The following SPTLC1 variants were observed in gnomAD, a reference collection of about 807,000 sequenced individuals.
SPTLC1 encodes serine palmitoyltransferase 1.
In SPTLC1, 55 loss-of-function variants were observed where a neutral mutation model predicts 68.9. The observed-to-expected ratio is 0.80, with a 90% CI of 0.64 to 1.00. The LOEUF is 1.00. Among genes scored for constraint, SPTLC1 ranks in the 50% least tolerant of loss-of-function variants. SPTLC1 has a pLI of 0.00. For synonymous variants in SPTLC1, 197 were observed against 201.6 expected, an observed-to-expected ratio of 0.98 and a Z score of 0.19; for missense variants, 449 against 573.1, an observed-to-expected ratio of 0.78 and a Z score of 2.21.
At chr9:92,059,535 A>G (rs1012233289) in intron 6 of SPTLC1, among the ~76,000 whole-genome samples, 2 of 152,224 alleles carry the variant, frequency 1.3e-5, no homozygotes, top group African/African-American at 4.8e-5. Flanking sequence ...CTCTCACTAT[A>G]TATTAATCTC....
chr9:92,090,430 G>C (rs746416690), intron 3 of SPTLC1, among the ~76,000 whole-genome samples: 34 of 152,096 alleles, frequency 2.2e-4, no homozygotes, highest in Non-Finnish European at 3.5e-4. Context: ...CCAACATGGT[G>C]AAACCCTGTC....
At chr9:92,055,226 C>A (rs1833845211) in intron 8 of SPTLC1, 179 bp downstream of exon 8, 8 of 985,324 alleles carry the variant, frequency 8.1e-6, no homozygotes, top group Non-Finnish European at 8.4e-6. Context: ...CTTGATTACT[C>A]TTTGAAGGCC....
At chr9:92,047,897 C>T (rs568099765) in intron 9 of SPTLC1, among the ~76,000 whole-genome samples, 189 bp from the exon 10 acceptor site, 1 of 152,272 alleles carries the variant, frequency 6.6e-6, no homozygotes, top group Admixed American at 6.5e-5. Context: ...TCTCATGGCC[C>T]ATCTGAAACT....
At position 92,050,085 on chromosome 9, in the gene SPTLC1, G is replaced by A. The variant is rs776578106; in HGVS notation, c.781-18C>T. 18 of 1,442,806 alleles carry A rather than the reference G, an allele frequency of 1.2e-5. No individual in the cohort carries two copies. The highest frequency in any genetic ancestry group is 7.1e-5 in the African/African-American group (5 of 70,770). The allele number at this position is 1,442,806 out of a possible 1,614,324, so 89.4% of individuals were successfully genotyped here. ...AACTTAACCTAAGTGTTATATAAAC[G>A]TTAAAATACTAATGATTAGCACCAT... is the stretch of plus-strand genomic sequence containing the variant. On this transcript the variant is annotated intron_variant, in intron 8 of 14. Transcript: ENST00000262554.
intron 7 of SPTLC1, among the ~76,000 whole-genome samples, chr9:92,057,365 T>C (rs1833931330): frequency 6.6e-6 from 1 of 152,192 alleles, no homozygotes; most frequent in Non-Finnish European, 1.5e-5. Context: ...CAGGAATGGG[T>C]CAAAGGGCAT....
At chr9:92,083,459 G>A (rs1834977220) in intron 3 of SPTLC1, among the ~76,000 whole-genome samples, 1 of 151,920 alleles carries the variant, frequency 6.6e-6, no homozygotes, top group Non-Finnish European at 1.5e-5. Context: ...TTCTACATAT[G>A]GCTAGCCAGT....
rs558110797 is a variant in SPTLC1 at position 92,097,288 on chromosome 9, A to G, written c.260+11452T>C. Among the ~76,000 whole-genome samples, 184 of 152,376 alleles carry G rather than the reference A, an allele frequency of 1.2e-3. 1 individual carries two copies. The highest frequency in any genetic ancestry group is 3.2e-3 in the African/African-American group (134 of 41,596). On this transcript the variant is annotated intron_variant, in intron 3 of 14. Transcript: ENST00000262554. ...TCAAAATGTTAAACACAGAGTTATC[A>G]CATGACACAGCAATCCTACTCCTAG...
At position 92,115,343 on chromosome 9, in the gene SPTLC1, G is replaced by C. The variant is rs1443011575; in HGVS notation, c.28C>G (p.Leu10Val). 1 of 1,612,870 alleles carries C rather than the reference G, an allele frequency of 6.2e-7. No homozygotes were observed. Among genetic ancestry groups the C allele is most frequent in the South Asian group, 1.1e-5 (1 of 91,056 alleles). ...TAAAGCGCCTGTACCATCTCCACCAGAACCCACTGCTCCGTGGCGGTCGCC... is the reference window on the plus strand; with the variant it reads ...TAAAGCGCCTGTACCATCTCCACCACAACCCACTGCTCCGTGGCGGTCGCC... MATATEQWV[L>V]VEMVQALYEA... Residue 10 changes from leucine (L) to valine (V), a missense_variant, in exon 1 of 15, where the codon CTG becomes GTG. Leu to Val is a conservative substitution (Grantham distance 32). Transcript: ENST00000262554.
At position 92,055,426 on chromosome 9, in the gene SPTLC1, A is replaced by C. The variant is rs753193300; in HGVS notation, c.759T>G (p.Thr253=). The C allele has an allele frequency of 2.5e-6, 4 of 1,613,636 alleles. No homozygotes were observed. In the Admixed American group the frequency reaches 6.7e-5, roughly 27 times the overall value. ...TTACCAATTCTGGAAGAGGACAAAT[A>C]GTTCCAGTATTCATATACAATCCTT... ...VVEGLYMNTG[T]ICPLPELVKL... The change falls in exon 8 of 15, where the codon ACT becomes ACG. Residue 253 remains threonine, a synonymous_variant. Coordinates refer to ENST00000262554, the MANE Select transcript of SPTLC1 (RefSeq NM_006415.4).
At position 92,032,306 on chromosome 9, in the gene SPTLC1, C is replaced by A. The variant is rs1448942715; in HGVS notation, c.*159G>T. 10 of 1,540,634 alleles carry A rather than the reference C, an allele frequency of 6.5e-6. No individual in the cohort carries two copies. The highest frequency in any genetic ancestry group is 8.7e-6 in the Non-Finnish European group (10 of 1,147,878). The stretch of plus-strand genomic sequence containing the variant: ...CTTTTTAAAAAAAATAAGCATCCTT[C>A]TCATGGTCACACAATTGGTCCATAC... On this transcript the variant is annotated 3_prime_UTR_variant, in exon 15 of 15. Coordinates refer to ENST00000262554, the MANE Select transcript of SPTLC1 (RefSeq NM_006415.4).
intron 3 of SPTLC1, among the ~76,000 whole-genome samples, chr9:92,090,849 A>G (rs567583882): frequency 6.6e-6 from 1 of 151,942 alleles, no homozygotes; most frequent in South Asian, 2.1e-4. Context: ...CCAGAAGGAG[A>G]CTCTTTTCTG....
intron 8 of SPTLC1, chr9:92,054,007 C>A: frequency 2.0e-6 from 2 of 983,654 alleles, no homozygotes; most frequent in Non-Finnish European, 2.4e-6. Context: ...TTTGGCCATG[C>A]GTGGTGGCTC....
chr9:92,058,421 G>A (rs1833968095), intron 7 of SPTLC1, among the ~76,000 whole-genome samples: 1 of 147,808 alleles, frequency 6.8e-6, no homozygotes, highest in African/African-American at 2.7e-5. Flanking sequence ...CTGTGTCTGA[G>A]ATGAAGACAC....
chr9:92,036,028 C>A (rs916192761), intron 13 of SPTLC1, among the ~76,000 whole-genome samples: 2 of 152,242 alleles, frequency 1.3e-5, no homozygotes, highest in African/African-American at 4.8e-5. Flanking sequence ...GTTACAGCAG[C>A]ATGGTTCTTT....
At chr9:92,044,769 A>G (rs1417239811) in intron 12 of SPTLC1, among the ~76,000 whole-genome samples, 1 of 152,194 alleles carries the variant, frequency 6.6e-6, no homozygotes, top group Non-Finnish European at 1.5e-5. Context: ...TCAGATACCC[A>G]CAGGTGTGTA....
chr9:92,087,716 C>G (rs1278171082), intron 3 of SPTLC1, among the ~76,000 whole-genome samples: 9 of 152,224 alleles, frequency 5.9e-5, no homozygotes, highest in African/African-American at 2.2e-4. Flanking sequence ...CTTGAGGAGG[C>G]AGTCTGCCCG....
chr9:92,105,990 T>C (rs1339018561), intron 3 of SPTLC1, among the ~76,000 whole-genome samples: 1 of 137,884 alleles, frequency 7.3e-6, no homozygotes, highest in Non-Finnish European at 1.6e-5. Context: ...TGAGGAGCAC[T>C]TCTGCCCAGC....
chr9:92,061,026 G>GT (rs1465519751), intron 6 of SPTLC1, among the ~76,000 whole-genome samples: 1 of 152,028 alleles, frequency 6.6e-6, no homozygotes, highest in African/African-American at 2.4e-5. Flanking sequence ...AATAAAAGAC[G>GT]TAACATTTGT....
intron 6 of SPTLC1, among the ~76,000 whole-genome samples, chr9:92,067,750 A>G (rs1423909081): frequency 6.6e-6 from 1 of 152,190 alleles, no homozygotes; most frequent in African/African-American, 2.4e-5. Context: ...GACATCAATA[A>G]ATAATTACCA....
Sources: allele counts gnomAD v4.1 joint callset (sites outside exome capture counted in the v4.1 genomes callset), GRCh38; gene constraint gnomAD v4.1.1; transcripts MANE v1.5; gene names NCBI Gene and HGNC (gene_info 2026-07-23, HGNC 2026-07-21).